Variants in RAD51AP2 observed in about 807,000 individuals in gnomAD.
The protein encoded by RAD51AP2 is RAD51-associated protein 2.
Under a neutral mutation model 85.5 loss-of-function variants are expected in RAD51AP2, and 67 were observed. That is an observed-to-expected ratio of 0.78 (90% CI 0.64 to 0.96). The LOEUF is 0.96. Among genes scored for constraint, RAD51AP2 ranks in the 40% least tolerant of loss-of-function variants. The probability of loss-of-function intolerance (pLI) is 0.00; values close to 1 mark genes in which losing one functional copy is unlikely to be tolerated. For synonymous variants in RAD51AP2, 474 were observed against 446.5 expected, an observed-to-expected ratio of 1.06 and a Z score of -0.78; for missense variants, 1,307 against 1,332.4, an observed-to-expected ratio of 0.98 and a Z score of 0.30.
chr2:17,528,299 G>A, the RAD51AP2 span, among the ~76,000 whole-genome samples: 5 of 152,052 alleles, frequency 3.3e-5, no homozygotes, highest in African/African-American at 4.8e-5. Context: ...TATGGTAAGT[G>A]TTTATTTTGT....
chr2:17,518,714 G>C (rs77271581), upstream of RAD51AP2, among the ~76,000 whole-genome samples: 1,368 of 151,846 alleles, frequency 9.0e-3, 29 homozygotes, highest in African/African-American at 0.031. Flanking sequence ...CTAATGCCAC[G>C]ACTGTAGAGA....
At chr2:17,523,686 T>C in the RAD51AP2 span, among the ~76,000 whole-genome samples, 2 of 151,924 alleles carry the variant, frequency 1.3e-5, no homozygotes, top group African/African-American at 4.8e-5. Context: ...TCATCTCATT[T>C]GATAGTTCTT....
At chr2:17,523,180 A>C (rs980177945), upstream of RAD51AP2, among the ~76,000 whole-genome samples, 4 of 151,912 alleles carry the variant, frequency 2.6e-5, no homozygotes, top group South Asian at 2.1e-4. Flanking sequence ...AAGCATTTAG[A>C]AGAGTCCTGG....
chr2:17,520,790 C>T (rs936032289), upstream of RAD51AP2, among the ~76,000 whole-genome samples: 4 of 151,188 alleles, frequency 2.6e-5, no homozygotes, highest in Admixed American at 6.6e-5. Flanking sequence ...CCCCATGCTG[C>T]CTACACCAGA....
chr2:17,513,180 T>C (rs532057560), intron 2 of RAD51AP2, among the ~76,000 whole-genome samples: 88 of 151,238 alleles, frequency 5.8e-4, no homozygotes, highest in Non-Finnish European at 1.2e-3. Flanking sequence ...TATTCTGATA[T>C]TGTAGATCTG....
At chr2:17,524,980 C>T in the RAD51AP2 span, among the ~76,000 whole-genome samples, 4 of 151,570 alleles carry the variant, frequency 2.6e-5, no homozygotes, top group African/African-American at 9.7e-5. Context: ...ACCTAAGGTC[C>T]AAAAAATAGA....
At chr2:17,528,966 A>G in the RAD51AP2 span, among the ~76,000 whole-genome samples, 1 of 152,226 alleles carries the variant, frequency 6.6e-6, no homozygotes, top group Non-Finnish European at 1.5e-5. Context: ...ACTAGTTGCC[A>G]AAAGATGGTT....
At chr2:17,520,932 T>C (rs1662843619), upstream of RAD51AP2, among the ~76,000 whole-genome samples, 2 of 152,274 alleles carry the variant, frequency 1.3e-5, no homozygotes, top group South Asian at 4.1e-4. Context: ...TCCTCCTCCC[T>C]GCTGTAGCCA....
intron 2 of RAD51AP2, among the ~76,000 whole-genome samples, chr2:17,513,526 C>A (rs1271127209): frequency 6.6e-6 from 1 of 152,018 alleles, no homozygotes; most frequent in Non-Finnish European, 1.5e-5. Flanking sequence ...CGTGAGCCAC[C>A]GTGCCTGGCC....
upstream of RAD51AP2, among the ~76,000 whole-genome samples, chr2:17,520,343 C>T (rs975950543): frequency 6.6e-6 from 1 of 151,784 alleles, no homozygotes; most frequent in East Asian, 1.9e-4. Flanking sequence ...GAAAATGAAC[C>T]AGTTATAAGT....
Position 17,510,788 on chromosome 2 carries a change from T to C in RAD51AP2, c.*16A>G. On this transcript the variant is annotated 3_prime_UTR_variant, in exon 3 of 3. Transcript: ENST00000399080. ...AAACATTTCTAGATGTTGTAAAATG[T>C]TTTGAAATATGAAAGTCAAAAATTT... The C allele has an allele frequency of 6.6e-7, 1 of 1,505,582 alleles. No individual in the cohort carries two copies. The highest frequency in any genetic ancestry group is 1.4e-5 in the African/African-American group (1 of 72,156). 93.3% of individuals were successfully genotyped at this position (1,505,582 alleles called of 1,614,324 possible).
chr2:17,512,330 C>T (rs1004260743), intron 2 of RAD51AP2, among the ~76,000 whole-genome samples: 2 of 152,182 alleles, frequency 1.3e-5, no homozygotes, highest in Non-Finnish European at 2.9e-5. Flanking sequence ...ACCCCATTCC[C>T]CAGTATCTTC....
At position 17,514,585 on chromosome 2, in the gene RAD51AP2, A is replaced by G. The variant is rs538869516; in HGVS notation, c.3248-493T>C. Among the ~76,000 whole-genome samples, 16 of 152,220 alleles carry G rather than the reference A, an allele frequency of 1.1e-4. No homozygotes were observed. The East Asian group carries it at 3.1e-3, about 29-fold the overall frequency. On this transcript the variant is annotated intron_variant, in intron 1 of 2. Coordinates refer to ENST00000399080, the MANE Select transcript of RAD51AP2 (RefSeq NM_001099218.3). The stretch of plus-strand genomic sequence containing the variant: ...GGAGTTCGAGACCAGCCAGGCCAAC[A>G]CAGTGAAGCCCCCATCTCTACTAAA...
At chr2:17,520,408 CTT>C (rs1194361495), upstream of RAD51AP2, among the ~76,000 whole-genome samples, 1 of 151,908 alleles carries the variant, frequency 6.6e-6, no homozygotes, top group African/African-American at 2.4e-5. Context: ...ATAAATAAGA[CTT>C]GTCTGAATCT....
In RAD51AP2 at chr2:17,516,845, T is replaced by C. The variant is rs1271696163; in HGVS notation, c.1571A>G (p.Lys524Arg). 1 of 1,547,630 alleles carries C rather than the reference T, an allele frequency of 6.5e-7. No individual in the cohort carries two copies. The highest frequency in any genetic ancestry group is 8.7e-7 in the Non-Finnish European group (1 of 1,147,662). Residue 524 changes from lysine (K) to arginine (R), a missense_variant, in exon 1 of 3, where the codon AAA becomes AGA. Transcript: ENST00000399080. ...GCAGGTTAAAATACTATTATCTTTTTTATTTCCTGAAATACTTTTATGGAA... is the reference window on the plus strand; with the variant it reads ...GCAGGTTAAAATACTATTATCTTTTCTATTTCCTGAAATACTTTTATGGAA... Reference protein sequence around the residue: ...FYFHKSISGNKKDNSILTCCN... With the variant: ...FYFHKSISGNRKDNSILTCCN...
chr2:17,525,454 C>T, the RAD51AP2 span, among the ~76,000 whole-genome samples: 1 of 152,028 alleles, frequency 6.6e-6, no homozygotes, highest in African/African-American at 2.4e-5. Context: ...TTAGTGCGTA[C>T]TGCAATGTGC....
upstream of RAD51AP2, among the ~76,000 whole-genome samples, chr2:17,520,438 C>T (rs1662833977): frequency 1.3e-5 from 2 of 151,948 alleles, no homozygotes; most frequent in Non-Finnish European, 2.9e-5. Context: ...GCCTCAAAGC[C>T]CATTTCAAAT....
At chr2:17,525,448 T>C in the RAD51AP2 span, among the ~76,000 whole-genome samples, 1 of 152,038 alleles carries the variant, frequency 6.6e-6, no homozygotes, top group African/African-American at 2.4e-5. Flanking sequence ...GAGGCATTAG[T>C]GCGTACTGCA....
upstream of RAD51AP2, among the ~76,000 whole-genome samples, chr2:17,522,699 C>T (rs62130424): frequency 0.029 from 4,471 of 151,934 alleles, 65 homozygotes; most frequent in Middle Eastern, 0.054. Context: ...AAAACAATTA[C>T]GAGTTCTTTC....
Sources: gnomAD v4.1 joint callset for allele counts (sites outside exome capture counted in the v4.1 genomes callset) on GRCh38, gnomAD v4.1.1 for gene constraint, MANE v1.5 for transcripts, NCBI Gene and HGNC (gene_info 2026-07-23, HGNC 2026-07-21) for gene names.